The following CPEB1 variants were observed in gnomAD, a reference collection of about 807,000 sequenced individuals.
The protein encoded by CPEB1 is cytoplasmic polyadenylation element binding protein 1.
In CPEB1, 7 loss-of-function variants were observed where a neutral mutation model predicts 65.8. The ratio of observed to expected loss-of-function variants is 0.11; its 90% CI spans 0.06 to 0.20. The LOEUF is 0.20. Ranked by LOEUF, CPEB1 falls within the 10% of genes least tolerant of loss-of-function variation. CPEB1 has a pLI of 1.00. For missense variants in CPEB1, 551 were observed against 712.2 expected (o/e 0.77, Z 2.58); for synonymous variants, 262 against 260.0 (o/e 1.01, Z -0.08).
At chr15:82,632,103 T>A (rs1174089704) in intron 1 of CPEB1, among the ~76,000 whole-genome samples, 1 of 149,860 alleles carries the variant, frequency 6.7e-6, no homozygotes, top group Non-Finnish European at 1.5e-5. Flanking sequence ...CGCCTCAGCC[T>A]CTGGAGTAGC....
chr15:82,593,686 T>A (rs932110059), intron 3 of CPEB1, among the ~76,000 whole-genome samples: 1 of 152,210 alleles, frequency 6.6e-6, no homozygotes, highest in African/African-American at 2.4e-5. Flanking sequence ...ATCAAAGGAA[T>A]AACTATCAAT....
intron 1 of CPEB1, among the ~76,000 whole-genome samples, chr15:82,646,376 C>T (rs975718291): frequency 6.6e-6 from 1 of 152,152 alleles, no homozygotes. Context: ...CGCGGGGAGG[C>T]TGGGCGGTAG....
intron 4 of CPEB1, among the ~76,000 whole-genome samples, chr15:82,566,515 T>C (rs2039147618): frequency 6.6e-6 from 1 of 152,152 alleles, no homozygotes. Context: ...CTCTATACCA[T>C]ATCTCTACTG....
chr15:82,586,559 T>C (rs913583630), intron 3 of CPEB1, among the ~76,000 whole-genome samples: 1 of 152,220 alleles, frequency 6.6e-6, no homozygotes, highest in Admixed American at 6.5e-5. Flanking sequence ...GAACCAAAAG[T>C]TACCTAAGCT....
At chr15:82,612,869 ACAAAC>A (rs1424160662) in intron 3 of CPEB1, among the ~76,000 whole-genome samples, 8 of 151,704 alleles carry the variant, frequency 5.3e-5, no homozygotes, top group Non-Finnish European at 1.2e-4. Flanking sequence ...AACAAACAAA[ACAAAC>A]AAACAAAAAA....
At position 82,544,578 on chromosome 15, in the gene CPEB1, C is replaced by T. The variant is rs2034831407; in HGVS notation, c.*14G>A. 6.2e-7 allele frequency: 1 copy of T among 1,605,324 alleles called. No individual in the cohort carries two copies. Among genetic ancestry groups the T allele is most frequent in the Non-Finnish European group, 8.5e-7 (1 of 1,174,220 alleles). ...GCTTTGGGCGCCACAGGCCACTGGG[C>T]AAGGCCAGCTCCTCTAGCTGGAATC... On this transcript the variant is annotated 3_prime_UTR_variant, in exon 13 of 13. Coordinates refer to ENST00000684509, the MANE Select transcript of CPEB1 (RefSeq NM_001365242.1).
chr15:82,613,869 C>T lies in CPEB1; in HGVS notation c.271+13324G>A, dbSNP rs561688943. Reference sequence around the variant, plus strand: ...GAACTCTACCACCCCGCCCCGCTCCCCCCTCAATGCCCCCCTGGGACAGCC... The same window carrying T: ...GAACTCTACCACCCCGCCCCGCTCCTCCCTCAATGCCCCCCTGGGACAGCC... On this transcript the variant is annotated intron_variant, in intron 3 of 12. Transcript: ENST00000684509. Among the ~76,000 whole-genome samples, 12 of 152,192 alleles carry T rather than the reference C, an allele frequency of 7.9e-5. No individual in the cohort carries two copies. In the East Asian group the frequency reaches 2.3e-3, roughly 29 times the overall value.
intron 3 of CPEB1, among the ~76,000 whole-genome samples, chr15:82,594,031 G>A (rs532441508): frequency 6.6e-6 from 1 of 152,178 alleles, no homozygotes; most frequent in African/African-American, 2.4e-5. Flanking sequence ...AAGGGCCCTA[G>A]AATCTTCAGA....
At chr15:82,624,156 T>C in intron 3 of CPEB1, among the ~76,000 whole-genome samples, 1 of 152,208 alleles carries the variant, frequency 6.6e-6, no homozygotes, top group East Asian at 1.9e-4. Context: ...AAATGCTCTC[T>C]GCTGTAGGCC....
chr15:82,595,452 A>C (rs1483575465), intron 3 of CPEB1, among the ~76,000 whole-genome samples: 1 of 152,212 alleles, frequency 6.6e-6, no homozygotes, highest in African/African-American at 2.4e-5. Flanking sequence ...CTGATCAACA[A>C]TTGTTACTGC....
chr15:82,622,525 C>T (rs573433376), intron 3 of CPEB1, among the ~76,000 whole-genome samples: 3 of 152,076 alleles, frequency 2.0e-5, no homozygotes, highest in African/African-American at 7.2e-5. Context: ...CTCAGCCTCC[C>T]GGACTACAGG....
intron 4 of CPEB1, among the ~76,000 whole-genome samples, chr15:82,567,389 A>T: frequency 6.6e-6 from 1 of 152,070 alleles, no homozygotes; most frequent in African/African-American, 2.4e-5. Context: ...CTGTAATCCC[A>T]GCATTTTGGG....
intron 3 of CPEB1, among the ~76,000 whole-genome samples, chr15:82,610,983 A>G (rs1401178906): frequency 1.2e-4 from 17 of 147,712 alleles, no homozygotes; most frequent in African/African-American, 3.7e-4. Flanking sequence ...AAAAAAAAAA[A>G]AAAAAGAAAA....
chr15:82,569,874 T>G (rs1323710552), intron 4 of CPEB1, among the ~76,000 whole-genome samples: 1 of 152,112 alleles, frequency 6.6e-6, no homozygotes, highest in Non-Finnish European at 1.5e-5. Flanking sequence ...ACGGTGGAAG[T>G]GAGGACAGGG....
At chr15:82,610,866 G>C (rs1343006447) in intron 3 of CPEB1, among the ~76,000 whole-genome samples, 1 of 138,502 alleles carries the variant, frequency 7.2e-6, no homozygotes, top group Non-Finnish European at 1.5e-5. Flanking sequence ...GCTGAGGCAG[G>C]AGAATTGCTT....
At chr15:82,604,340 G>C in intron 3 of CPEB1, among the ~76,000 whole-genome samples, 1 of 152,036 alleles carries the variant, frequency 6.6e-6, no homozygotes, top group East Asian at 1.9e-4. Context: ...AAATTAGCTG[G>C]GCATGGTAGT....
rs542380875 is a variant in CPEB1 at position 82,632,771 on chromosome 15, C to T, written c.-97-4215G>A. Among the ~76,000 whole-genome samples, 32 of 152,102 alleles carry T rather than the reference C, an allele frequency of 2.1e-4. No homozygotes were observed. The South Asian group carries it at 6.6e-3, about 32-fold the overall frequency. On this transcript the variant is annotated intron_variant, in intron 1 of 12. Coordinates refer to ENST00000684509, the MANE Select transcript of CPEB1 (RefSeq NM_001365242.1). ...CTTGAATTCCCGGGCTCAAGCGCTGCTCCTGCCTCAGCCTCTCAAAGTGCT... is the reference window on the plus strand; with the variant it reads ...CTTGAATTCCCGGGCTCAAGCGCTGTTCCTGCCTCAGCCTCTCAAAGTGCT...
chr15:82,551,937 T>C (rs953898378), intron 9 of CPEB1, among the ~76,000 whole-genome samples: 1 of 152,070 alleles, frequency 6.6e-6, no homozygotes, highest in African/African-American at 2.4e-5. Context: ...AAGGCTGATA[T>C]TAGAAAAAGC....
chr15:82,578,580 A>C (rs2151087055), intron 3 of CPEB1, among the ~76,000 whole-genome samples: 1 of 152,186 alleles, frequency 6.6e-6, no homozygotes, highest in Non-Finnish European at 1.5e-5. Flanking sequence ...ACATGGCGAA[A>C]CCCCATCTCA....
Sources: gnomAD v4.1 joint callset for allele counts (sites outside exome capture counted in the v4.1 genomes callset) on GRCh38, gnomAD v4.1.1 for gene constraint, MANE v1.5 for transcripts, NCBI Gene and HGNC (gene_info 2026-07-23, HGNC 2026-07-21) for gene names.